Variants in CLDN16 observed in about 807,000 individuals in gnomAD.
CLDN16 encodes the protein claudin-16.
A neutral mutation model predicts 24.6 loss-of-function variants in CLDN16; 13 were observed. The ratio of observed to expected loss-of-function variants is 0.53; its 90% CI spans 0.34 to 0.84. The LOEUF is 0.84. CLDN16 is among the 40% of genes least tolerant of loss of function. The pLI is 0.01. For synonymous variants in CLDN16, 116 were observed against 106.7 expected, an observed-to-expected ratio of 1.09 and a Z score of -0.54; for missense variants, 298 against 292.7, an observed-to-expected ratio of 1.02 and a Z score of -0.13.
At chr3:190,340,073 T>C (rs1037152745) in intron 1 of CLDN16, among the ~76,000 whole-genome samples, 1 of 152,242 alleles carries the variant, frequency 6.6e-6, no homozygotes, top group African/African-American at 2.4e-5. Flanking sequence ...CACATGATCA[T>C]ATCTATTGAC....
intron 1 of CLDN16, among the ~76,000 whole-genome samples, chr3:190,329,734 A>G (rs944410045): frequency 6.6e-6 from 1 of 152,210 alleles, no homozygotes; most frequent in African/African-American, 2.4e-5. Context: ...GAATAAAAAG[A>G]CATTCAATGG....
intron 1 of CLDN16, among the ~76,000 whole-genome samples, chr3:190,331,807 G>A (rs1223314090): frequency 6.6e-6 from 1 of 152,156 alleles, no homozygotes; most frequent in Non-Finnish European, 1.5e-5. Flanking sequence ...CTGTAGTTGA[G>A]AAAACTGAAA....
chr3:190,407,553 T>A (rs1210379548), intron 3 of CLDN16, among the ~76,000 whole-genome samples: 1 of 152,166 alleles, frequency 6.6e-6, no homozygotes, highest in Non-Finnish European at 1.5e-5. Context: ...CTCACCACAT[T>A]TCTTATTGCA....
At chr3:190,322,087 G>A, upstream of CLDN16, 2 of 1,614,236 alleles carry the variant, frequency 1.2e-6, no homozygotes, top group Non-Finnish European at 1.7e-6. Flanking sequence ...GGGCGGTCAC[G>A]ATGTTGTCGC....
intron 3 of CLDN16, among the ~76,000 whole-genome samples, chr3:190,406,137 G>A (rs1043022456): frequency 8.5e-5 from 13 of 152,184 alleles, no homozygotes; most frequent in African/African-American, 2.7e-4. Context: ...TTGCTATGGT[G>A]AAGATGCAAT....
the CLDN16 span, among the ~76,000 whole-genome samples, chr3:190,296,621 C>G: frequency 2.7e-5 from 4 of 149,762 alleles, no homozygotes; most frequent in African/African-American, 9.9e-5. Context: ...GCCATCTCGG[C>G]TCACTGCAGG....
At chr3:190,325,127 C>A (rs1218645876) in intron 1 of CLDN16, among the ~76,000 whole-genome samples, 1 of 152,198 alleles carries the variant, frequency 6.6e-6, no homozygotes, top group African/African-American at 2.4e-5. Flanking sequence ...TGTATATTTT[C>A]ATCAAGTGTT....
the CLDN16 span, chr3:190,313,163 A>G: frequency 9.7e-7 from 1 of 1,031,542 alleles, no homozygotes; most frequent in Non-Finnish European, 1.5e-6. Flanking sequence ...TAGAGACCCC[A>G]GTCATACTGA....
intron 1 of CLDN16, among the ~76,000 whole-genome samples, chr3:190,392,059 C>CTTTTTTTTTTTTTTTTTTTTTTTTT (rs35220103): frequency 1.0e-4 from 13 of 126,072 alleles, no homozygotes; most frequent in African/African-American, 1.4e-4. Context: ...CCTTTTCAGT[C>CTTTTTTTTTTTTTTTTTTTTTTTTT]TTTTTTTTTT....
rs1339149925 is a variant in CLDN16, at chr3:190,388,260, C to T, written c.-70C>T. Reference sequence around the variant, plus strand: ...AGGTACCAGAAACACAGAAGACTGACACCCGCCACTTAAGTGGGGCCAGGG... The same window carrying T: ...AGGTACCAGAAACACAGAAGACTGATACCCGCCACTTAAGTGGGGCCAGGG... On this transcript the variant is annotated 5_prime_UTR_variant, in exon 1 of 5. Coordinates refer to ENST00000264734, the MANE Select transcript of CLDN16 (RefSeq NM_006580.4). 5 of 1,610,746 alleles carry T rather than the reference C, an allele frequency of 3.1e-6. No individual in the cohort carries two copies. The highest frequency in any genetic ancestry group is 4.2e-6 in the Non-Finnish European group (5 of 1,178,050).
At chr3:190,379,975 G>GTCTATCATCTA (rs144203820) in intron 3 of CLDN16, among the ~76,000 whole-genome samples, 1,773 of 149,098 alleles carry the variant, frequency 0.012, 14 homozygotes, top group Non-Finnish European at 0.018. Context: ...TATCAACTCT[G>GTCTATCATCTA]TCTATCTATC....
In CLDN16 at chr3:190,345,867, G is replaced by A. The variant is rs149284477; in HGVS notation, n.121+23206G>A. Among the ~76,000 whole-genome samples, 16 of 152,156 alleles carry A rather than the reference G, an allele frequency of 1.1e-4. 1 individual carries two copies. The East Asian group carries it at 3.1e-3, about 29-fold the overall frequency. On this transcript the variant is annotated intron_variant and non_coding_transcript_variant, in intron 1 of 4. Coordinates refer to the CLDN16 transcript ENST00000468220. ...AACTAACAACTGTATGTTTATTACTGTATTGATTACATTGTATTGAAATAA... is the reference window on the plus strand; with the variant it reads ...AACTAACAACTGTATGTTTATTACTATATTGATTACATTGTATTGAAATAA...
chr3:190,393,484 A>T (rs940215684), intron 1 of CLDN16, among the ~76,000 whole-genome samples: 3 of 152,206 alleles, frequency 2.0e-5, no homozygotes, highest in African/African-American at 7.2e-5. Flanking sequence ...CAATACACAC[A>T]TCATAAGTTT....
At chr3:190,316,090 T>C in the CLDN16 span, among the ~76,000 whole-genome samples, 1 of 152,240 alleles carries the variant, frequency 6.6e-6, no homozygotes, top group South Asian at 2.1e-4. Flanking sequence ...TATTCTGTTC[T>C]ATGATTGCTA....
upstream of CLDN16, chr3:190,387,856 C>T (rs1482913123): frequency 1.9e-6 from 1 of 519,204 alleles, no homozygotes; most frequent in African/African-American, 1.9e-5. Context: ...AAATAACACT[C>T]AGTCAACCGT....
rs1227503577 is a variant in CLDN16, at chr3:190,411,721, C to A, written c.*1685C>A. 1 of 152,106 alleles carries A rather than the reference C, an allele frequency of 6.6e-6. No homozygotes were observed. The highest frequency in any genetic ancestry group is 1.5e-5 in the Non-Finnish European group (1 of 67,996). 9.4% of individuals were successfully genotyped at this position (152,106 alleles called of 1,614,324 possible). A position where few individuals can be genotyped will look rare whatever the true frequency, so the allele number is the denominator to read the frequency against. On this transcript the variant is annotated 3_prime_UTR_variant, in exon 5 of 5. Transcript: ENST00000264734. ...TTCCCAGAGTATCTTTAACAGTATT[C>A]TCTGAAGCAGTTCCAATCTAGTTGG... is the stretch of plus-strand genomic sequence containing the variant.
chr3:190,359,005 G>A lies in CLDN16; in HGVS notation n.122-11888G>A, dbSNP rs115697026. Reference sequence around the variant, plus strand: ...AATAAAATTATTCAAATTGCAGAAGGCTTCATTCTGGGCTTTCTGATATTC... The same window carrying A: ...AATAAAATTATTCAAATTGCAGAAGACTTCATTCTGGGCTTTCTGATATTC... On this transcript the variant is annotated intron_variant and non_coding_transcript_variant, in intron 1 of 4. Transcript: ENST00000468220. Among the ~76,000 whole-genome samples, 14 of 151,994 alleles carry A rather than the reference G, an allele frequency of 9.2e-5. No homozygotes were observed. In the East Asian group the frequency reaches 1.9e-3, roughly 21 times the overall value.
At chr3:190,294,009 T>A in the CLDN16 span, among the ~76,000 whole-genome samples, 1 of 152,304 alleles carries the variant, frequency 6.6e-6, no homozygotes, top group East Asian at 1.9e-4. Context: ...GAGTTTTAAG[T>A]TTGTGACAGT....
At chr3:190,296,816 C>T in the CLDN16 span, among the ~76,000 whole-genome samples, 1,438 of 152,244 alleles carry the variant, frequency 9.4e-3, 24 homozygotes, top group African/African-American at 0.033. Context: ...TCCCAAAGTG[C>T]TGGGATTACA....
Sources: gnomAD v4.1 joint callset for allele counts (sites outside exome capture counted in the v4.1 genomes callset) on GRCh38, gnomAD v4.1.1 for gene constraint, MANE v1.5 for transcripts, NCBI Gene and HGNC (gene_info 2026-07-23, HGNC 2026-07-21) for gene names.